Variants in BTBD9 observed in about 807,000 individuals in gnomAD.
BTBD9 encodes BTB/POZ domain-containing protein 9.
Under a neutral mutation model 64.3 loss-of-function variants are expected in BTBD9, and 49 were observed. The ratio of observed to expected loss-of-function variants is 0.76; its 90% CI spans 0.61 to 0.97. BTBD9 has a LOEUF of 0.97. Among genes scored for constraint, BTBD9 ranks in the 50% least tolerant of loss-of-function variants. The probability of loss-of-function intolerance (pLI) is 0.00; values close to 1 mark genes in which losing one functional copy is unlikely to be tolerated. For synonymous variants in BTBD9, 260 were observed against 274.7 expected (o/e 0.95, Z 0.53); for missense variants, 598 against 762.1 (o/e 0.78, Z 2.53).
chr6:38,543,888 C>T (rs948336576), intron 6 of BTBD9, among the ~76,000 whole-genome samples: 1 of 150,052 alleles, frequency 6.7e-6, no homozygotes, highest in African/African-American at 2.5e-5. Context: ...ACCTGGGAGG[C>T]GGAGCTTGCA....
chr6:38,270,675 A>G (rs1765170127), intron 8 of BTBD9, among the ~76,000 whole-genome samples: 2 of 152,210 alleles, frequency 1.3e-5, no homozygotes, highest in Admixed American at 1.3e-4. Flanking sequence ...AGGAGCTTGG[A>G]GGCTCCTAGC....
chr6:38,628,044 AG>A (rs1285364478), intron 1 of BTBD9, among the ~76,000 whole-genome samples: 1 of 152,226 alleles, frequency 6.6e-6, no homozygotes, highest in East Asian at 1.9e-4. Flanking sequence ...ATGCGCAAAA[AG>A]GGTCATAACT....
intron 6 of BTBD9, among the ~76,000 whole-genome samples, chr6:38,557,706 C>T (rs1214521528): frequency 1.3e-5 from 2 of 150,054 alleles, no homozygotes; most frequent in African/African-American, 2.5e-5. Context: ...CCCTTGATAA[C>T]GCCAATATTA....
At chr6:38,206,764 T>C (rs1762669717) in intron 9 of BTBD9, among the ~76,000 whole-genome samples, 1 of 151,942 alleles carries the variant, frequency 6.6e-6, no homozygotes, top group South Asian at 2.1e-4. Context: ...TCTTTCAAAG[T>C]AGGAACACAA....
intron 6 of BTBD9, among the ~76,000 whole-genome samples, chr6:38,557,899 T>C (rs1342575406): frequency 6.6e-6 from 1 of 152,166 alleles, no homozygotes; most frequent in Non-Finnish European, 1.5e-5. Context: ...GATTTTGAGA[T>C]CTTAGAGAAA....
intron 9 of BTBD9, among the ~76,000 whole-genome samples, chr6:38,232,437 A>AT (rs1166728467): frequency 6.6e-6 from 1 of 151,768 alleles, no homozygotes; most frequent in Non-Finnish European, 1.5e-5. Flanking sequence ...CGCCCGGCTA[A>AT]TTTTTTGTAT....
intron 4 of BTBD9, among the ~76,000 whole-genome samples, chr6:38,581,618 T>G (rs1294525110): frequency 6.6e-6 from 1 of 152,050 alleles, no homozygotes; most frequent in Admixed American, 6.6e-5. Context: ...AAACTGACAC[T>G]CTCCATGGAA....
intron 9 of BTBD9, among the ~76,000 whole-genome samples, chr6:38,216,874 C>CACCT (rs1253583723): frequency 6.6e-6 from 1 of 152,144 alleles, no homozygotes; most frequent in African/African-American, 2.4e-5. Context: ...AGTTCAGCAT[C>CACCT]ACCTGTTGGG....
At chr6:38,487,314 C>T (rs563585301) in intron 6 of BTBD9, among the ~76,000 whole-genome samples, 1 of 152,282 alleles carries the variant, frequency 6.6e-6, no homozygotes, top group East Asian at 1.9e-4. Context: ...GGTGTGGTAG[C>T]TCATGCCTGT....
intron 2 of BTBD9, chr6:38,595,958 T>C: frequency 1.0e-6 from 1 of 985,442 alleles, no homozygotes; most frequent in Non-Finnish European, 1.2e-6. Context: ...AAAAGTGGTT[T>C]TGATGAGGCT....
intron 6 of BTBD9, among the ~76,000 whole-genome samples, chr6:38,560,524 T>C (rs1461885910): frequency 6.6e-6 from 1 of 152,248 alleles, no homozygotes; most frequent in Non-Finnish European, 1.5e-5. Flanking sequence ...TAATCCTTTA[T>C]ATAAACATTT....
At chr6:38,313,221 C>T (rs1314588871) in intron 7 of BTBD9, among the ~76,000 whole-genome samples, 2 of 152,040 alleles carry the variant, frequency 1.3e-5, no homozygotes, top group Non-Finnish European at 2.9e-5. Context: ...TATAAAAATG[C>T]TACTGGTGAT....
chr6:38,474,838 G>C (rs1399027730), intron 6 of BTBD9, among the ~76,000 whole-genome samples: 1 of 151,992 alleles, frequency 6.6e-6, no homozygotes, highest in East Asian at 1.9e-4. Flanking sequence ...CCTATAATTT[G>C]AAGTTCAAAC....
chr6:38,392,875 ATTTTT>A (rs11403915), intron 6 of BTBD9, among the ~76,000 whole-genome samples: 1 of 137,322 alleles, frequency 7.3e-6, no homozygotes, highest in African/African-American at 2.7e-5. Context: ...TAAGACAATG[ATTTTT>A]TTTTTTTTTT....
At chr6:38,312,841 A>T (rs1315986578) in intron 7 of BTBD9, among the ~76,000 whole-genome samples, 1 of 152,146 alleles carries the variant, frequency 6.6e-6, no homozygotes, top group African/African-American at 2.4e-5. Context: ...AGGTAATGTG[A>T]TTCTTTCAGT....
intron 6 of BTBD9, among the ~76,000 whole-genome samples, chr6:38,397,657 C>T (rs567507909): frequency 6.6e-6 from 1 of 152,256 alleles, no homozygotes; most frequent in African/African-American, 2.4e-5. Context: ...TTAACAGATG[C>T]CATGTGAGCC....
rs142199813 is a variant in BTBD9 at position 38,400,293 on chromosome 6, CCT to C, written c.1155-55202_1155-55201del. 1.4e-4 allele frequency among the ~76,000 whole-genome samples: 21 copies of C among 152,118 alleles called. No homozygotes were observed. In the East Asian group the frequency reaches 3.3e-3, roughly 24 times the overall value. On this transcript the variant is annotated intron_variant, in intron 6 of 10. Transcript: ENST00000481247. ...ACACACCTGTTTTAAGTAATCAGCC[CCT>C]CTTATCTCCCCTTTCTTATCAAACT...
At position 38,358,973 on chromosome 6, in the gene BTBD9, T is replaced by G. The variant is rs1040930780; in HGVS notation, c.1155-13880A>C. On this transcript the variant is annotated intron_variant, in intron 6 of 10. Transcript: ENST00000481247. Reference sequence around the variant, plus strand: ...TTTTTAGTAGAGACGGGGTTTCACCTTGTTAGCCAGGATGGTCTCGATCTC... The same window carrying G: ...TTTTTAGTAGAGACGGGGTTTCACCGTGTTAGCCAGGATGGTCTCGATCTC... 2.0e-5 allele frequency among the ~76,000 whole-genome samples: 3 copies of G among 151,856 alleles called. No individual in the cohort carries two copies. The East Asian group carries it at 5.8e-4, about 30-fold the overall frequency.
At chr6:38,454,882 T>C (rs1769727644) in intron 6 of BTBD9, among the ~76,000 whole-genome samples, 1 of 151,070 alleles carries the variant, frequency 6.6e-6, no homozygotes, top group African/African-American at 2.4e-5. Context: ...CAAAAGCTAA[T>C]ATAAATGAGG....
Sources: gnomAD v4.1 joint callset for allele counts (sites outside exome capture counted in the v4.1 genomes callset) on GRCh38, gnomAD v4.1.1 for gene constraint, MANE v1.5 for transcripts, NCBI Gene and HGNC (gene_info 2026-07-23, HGNC 2026-07-21) for gene names.